Variants in KARS1 observed in about 807,000 individuals in gnomAD.
KARS1 encodes lysyl-tRNA synthetase 1, also known as lysine--tRNA ligase.
In KARS1, 50 loss-of-function variants were observed where a neutral mutation model predicts 63.9. The observed-to-expected ratio is 0.78, with a 90% CI of 0.62 to 0.99. The LOEUF is 0.99. KARS1 is among the 50% of genes least tolerant of loss of function. KARS1 has a pLI of 0.00. For missense variants in KARS1, 816 were observed against 754.5 expected, an observed-to-expected ratio of 1.08 and a Z score of -0.95; for synonymous variants, 320 against 264.6, an observed-to-expected ratio of 1.21 and a Z score of -2.03.
intron 6 of KARS1, chr16:75,635,214 C>T (rs2082149740): frequency 4.9e-6 from 1 of 203,514 alleles, no homozygotes; most frequent in Admixed American, 5.3e-5. Flanking sequence ...CCATCTGCAA[C>T]ATGCATATGT....
In KARS1 at chr16:75,627,831, C is replaced by T; in HGVS notation, c.*64G>A. 1 of 910,536 alleles carries T rather than the reference C, an allele frequency of 1.1e-6. No homozygotes were observed. Among genetic ancestry groups the T allele is most frequent in the Admixed American group, 1.7e-5 (1 of 59,148 alleles). 56.4% of individuals were successfully genotyped at this position (910,536 alleles called of 1,614,324 possible). On this transcript the variant is annotated 3_prime_UTR_variant, in exon 14 of 14. Coordinates refer to ENST00000302445, the MANE Select transcript of KARS1 (RefSeq NM_005548.3). ...AAAGCAGCACACAAGAATTCCCTTGCAGACCTTGATCTTTCGCAGAAATGC... is the reference window on the plus strand; with the variant it reads ...AAAGCAGCACACAAGAATTCCCTTGTAGACCTTGATCTTTCGCAGAAATGC...
intron 1 of KARS1, among the ~76,000 whole-genome samples, chr16:75,643,756 T>G (rs944096089): frequency 2.6e-5 from 4 of 152,254 alleles, no homozygotes; most frequent in African/African-American, 9.6e-5. Context: ...ATATAATGTC[T>G]TATAACATTT....
chr16:75,647,364 T>C (rs1597181633), intron 1 of KARS1: 1 of 639,776 alleles, frequency 1.6e-6, no homozygotes, highest in East Asian at 2.7e-5. Context: ...ATAGGGAGCA[T>C]CCCGCCGGTG....
chr16:75,643,169 G>C (rs528572082), intron 1 of KARS1, among the ~76,000 whole-genome samples: 84 of 152,104 alleles, frequency 5.5e-4, no homozygotes, highest in Non-Finnish European at 9.8e-4. Context: ...TAAACAGATT[G>C]GTGTAGGGAG....
At chr16:75,635,865 C>T (rs181461914) in intron 5 of KARS1, 47 bp downstream of exon 5, 8 of 1,614,058 alleles carry the variant, frequency 5.0e-6, no homozygotes, top group African/African-American at 1.3e-5. Context: ...TATGATAAAA[C>T]AAACAGAAAG....
At chr16:75,633,086 T>C (rs1437467403) in intron 7 of KARS1, among the ~76,000 whole-genome samples, 1 of 152,196 alleles carries the variant, frequency 6.6e-6, no homozygotes, top group Non-Finnish European at 1.5e-5. Flanking sequence ...GTACCTGGAC[T>C]TTAATAATTC....
At chr16:75,631,283 G>A (rs764289340) in intron 9 of KARS1, 30 bp from the exon 10 acceptor site, 6 of 1,600,654 alleles carry the variant, frequency 3.7e-6, no homozygotes, top group Middle Eastern at 1.7e-4. Context: ...GTTAGGGCAG[G>A]AGACATCACA....
rs199560527 is a variant in KARS1 at position 75,630,494 on chromosome 16, G to A, written c.1353C>T (p.Phe451=). 2 of 1,609,166 alleles carry A rather than the reference G, an allele frequency of 1.2e-6. No individual in the cohort carries two copies. Among genetic ancestry groups the A allele is most frequent in the Admixed American group, 1.7e-5 (1 of 59,976 alleles). ...ARLLDKLVGE[F]LEVTCINPTF... Reference sequence around the variant, plus strand: ...TAGGATTGATGCAAGTCACTTCCAGGAACTCCCCAACAAGCTTAATGAGAA... The same window carrying A: ...TAGGATTGATGCAAGTCACTTCCAGAAACTCCCCAACAAGCTTAATGAGAA... Residue 451 remains phenylalanine (F), a synonymous_variant, in exon 11 of 14, where the codon TTC becomes TTT. Transcript: ENST00000302445.
chr16:75,642,697 CT>C (rs2082238873), intron 1 of KARS1: 1 of 152,220 alleles, frequency 6.6e-6, no homozygotes, highest in Admixed American at 6.5e-5. Flanking sequence ...TGGAGCCTGA[CT>C]TAGACAACAA....
At position 75,631,519 on chromosome 16, in the gene KARS1, G is replaced by A. The variant is rs145047133; in HGVS notation, c.1149C>T (p.Tyr383=). The A allele has an allele frequency of 1.4e-5, 23 of 1,613,966 alleles. No homozygotes were observed. The highest frequency in any genetic ancestry group is 8.0e-5 in the African/African-American group (6 of 74,920). The change falls in exon 9 of 14, where the codon TAC becomes TAT. Residue 383 remains tyrosine, a synonymous_variant. Coordinates refer to ENST00000302445, the MANE Select transcript of KARS1 (RefSeq NM_005548.3). The stretch of plus-strand genomic sequence containing the variant: ...GGAAGGGTGGGGTGAAGTCAACATC[G>A]TAGGCTTGGCCCTCTGGGCCATCTG... ...YHPDGPEGQA[Y]DVDFTPPFRR...
At chr16:75,631,672 A>G in intron 8 of KARS1, 21 bp downstream of exon 8, 2 of 1,614,150 alleles carry the variant, frequency 1.2e-6, no homozygotes, top group East Asian at 2.2e-5. Flanking sequence ...CCCGATGAGT[A>G]TGAGAGAGAG....
At chr16:75,632,805 A>G (rs2082126806) in intron 7 of KARS1, among the ~76,000 whole-genome samples, 1 of 152,172 alleles carries the variant, frequency 6.6e-6, no homozygotes, top group African/African-American at 2.4e-5. Flanking sequence ...CAGAAATATT[A>G]AAGGGAAATA....
intron 9 of KARS1, 46 bp downstream of exon 9, chr16:75,631,370 C>T (rs1567498857): frequency 1.2e-6 from 2 of 1,603,286 alleles, no homozygotes; most frequent in Admixed American, 1.7e-5. Flanking sequence ...CAGAGCTGAA[C>T]AGGAAGGAGG....
At chr16:75,647,042 G>C (rs2082294246) in intron 1 of KARS1, among the ~76,000 whole-genome samples, 1 of 152,162 alleles carries the variant, frequency 6.6e-6, no homozygotes, top group Non-Finnish European at 1.5e-5. Flanking sequence ...GTTAGACGTT[G>C]ATCACTTAAT....
rs1222548617 is a variant in KARS1 at position 75,636,494 on chromosome 16, G to A, written c.442C>T (p.Arg148Ter). Reference sequence around the variant, plus strand: ...ACTTGCAACTTCACCCCCTCTCCTCGAAGATCATAGAAGATGAGCTTTCCC... The same window carrying A: ...ACTTGCAACTTCACCCCCTCTCCTCAAAGATCATAGAAGATGAGCTTTCCC... ...SGGKLIFYDL[R>*]GEGVKLQVMA... Residue 148 changes from arginine to a stop codon, truncating the protein, a stop_gained, in exon 4 of 14, where the codon CGA becomes TGA. Coordinates refer to ENST00000302445, the MANE Select transcript of KARS1 (RefSeq NM_005548.3). LOFTEE classifies it high-confidence loss of function. 3.7e-6 allele frequency: 6 copies of A among 1,613,368 alleles called. No individual in the cohort carries two copies. Among genetic ancestry groups the A allele is most frequent in the African/African-American group, 2.7e-5 (2 of 74,872 alleles).
intron 1 of KARS1, chr16:75,642,814 G>C (rs2082239991): frequency 6.6e-6 from 1 of 152,184 alleles, no homozygotes; most frequent in African/African-American, 2.4e-5. Flanking sequence ...ATGTGACTTG[G>C]ACGAGTGAAT....
In KARS1 at chr16:75,631,808, C is replaced by T. The variant is rs1160780788; in HGVS notation, c.963G>A (p.Gln321=). ...TCAAATCAATCCCCTCATTCCGGAA[C>T]TGGCGTCCAATTTCATAAACCCGGT... is the stretch of plus-strand genomic sequence containing the variant. The part of the protein sequence containing the change: ...GIDRVYEIGR[Q]FRNEGIDLTH... The change falls in exon 8 of 14, where the codon CAG becomes CAA. Residue 321 remains glutamine, a synonymous_variant. Coordinates refer to ENST00000302445, the MANE Select transcript of KARS1 (RefSeq NM_005548.3). The T allele has an allele frequency of 1.2e-6, 2 of 1,614,212 alleles. No homozygotes were observed. The highest frequency in any genetic ancestry group is 1.7e-6 in the Non-Finnish European group (2 of 1,180,036).
chr16:75,634,372 T>C (rs937922429), intron 6 of KARS1, 80 bp from the exon 7 acceptor site: 3 of 1,457,396 alleles, frequency 2.1e-6, no homozygotes, highest in Admixed American at 3.5e-5. Context: ...TGTAATATAG[T>C]CTAAGCCTGT....
chr16:75,644,528 T>G, intron 1 of KARS1: 5 of 1,172,982 alleles, frequency 4.3e-6, no homozygotes, highest in South Asian at 1.7e-5. Context: ...CAACCAACTC[T>G]CTTATGGGTT....
Sources: gnomAD v4.1 joint callset for allele counts (sites outside exome capture counted in the v4.1 genomes callset) on GRCh38, gnomAD v4.1.1 for gene constraint, MANE v1.5 for transcripts, NCBI Gene and HGNC (gene_info 2026-07-23, HGNC 2026-07-21) for gene names.